MED15: variants seen among roughly 807,000 people sequenced by gnomAD.
The protein encoded by MED15 is mediator of RNA polymerase II transcription subunit 15.
MED15 carries 41 observed loss-of-function variants against 118.7 expected under a neutral mutation model. That is an observed-to-expected ratio of 0.35 (90% CI 0.27 to 0.45). MED15 has a LOEUF of 0.45. MED15 is among the 20% of genes least tolerant of loss of function. The pLI is 1.00. For synonymous variants in MED15, 436 were observed against 413.9 expected, an observed-to-expected ratio of 1.05 and a Z score of -0.65; for missense variants, 740 against 1,025.5, an observed-to-expected ratio of 0.72 and a Z score of 3.80.
At chr22:20,534,882 C>T (rs760994088) in intron 1 of MED15, among the ~76,000 whole-genome samples, 4 of 152,220 alleles carry the variant, frequency 2.6e-5, no homozygotes, top group Non-Finnish European at 5.9e-5. Flanking sequence ...CTTGTCTGTT[C>T]CACACCTGGA....
chr22:20,557,142 G>GCAT (rs1047164474), intron 5 of MED15, among the ~76,000 whole-genome samples: 2 of 152,170 alleles, frequency 1.3e-5, no homozygotes, highest in African/African-American at 4.8e-5. Context: ...GAAGAGGGCA[G>GCAT]CATCGCCCCC....
intron 8 of MED15, among the ~76,000 whole-genome samples, chr22:20,568,997 A>C (rs2056545470): frequency 6.6e-6 from 1 of 152,024 alleles, no homozygotes. Flanking sequence ...TACAGAGCTG[A>C]CCAGGGTGGA....
At chr22:20,537,311 G>C in intron 2 of MED15, 107 bp downstream of exon 2, 1 of 939,718 alleles carries the variant, frequency 1.1e-6, no homozygotes, top group Non-Finnish European at 1.6e-6. Context: ...GGGGTGGGGT[G>C]GTTGCTCATC....
At position 20,516,244 on chromosome 22, in the gene MED15, C is replaced by T. The variant is rs552447296; in HGVS notation, c.68+8498C>T. Among the ~76,000 whole-genome samples, 82 of 151,638 alleles carry T rather than the reference C, an allele frequency of 5.4e-4. 3 individuals carry two copies. Among genetic ancestry groups the T allele is most frequent in the African/African-American group, 2.0e-3 (81 of 41,312 alleles). On this transcript the variant is annotated intron_variant, in intron 1 of 17. Coordinates refer to ENST00000263205, the MANE Select transcript of MED15 (RefSeq NM_001003891.3). ...AGGAGAATTGCTTGAACCTGGGAGG[C>T]GGAGGTTGCAGTGAGCCGAGATCAC...
At chr22:20,544,948 G>A (rs371061908) in intron 2 of MED15, among the ~76,000 whole-genome samples, 50 of 152,268 alleles carry the variant, frequency 3.3e-4, no homozygotes, top group South Asian at 3.1e-3. Flanking sequence ...CTCTTAGGAG[G>A]ATACATGCAA....
At position 20,584,875 on chromosome 22, in the gene MED15, G is replaced by T; in HGVS notation, c.1824G>T (p.Pro608=). 1 of 1,598,376 alleles carries T rather than the reference G, an allele frequency of 6.3e-7. No individual in the cohort carries two copies. Residue 608 remains proline (P), a synonymous_variant, in exon 15 of 18, where the codon CCG becomes CCT. Transcript: ENST00000263205. ...TCCAGCCCACTCCCCCACCGCCCCC[G>T]GTGCCACCGACCAAACAGCAGTACC... The part of the protein sequence containing the change: ...DMAVPTPPPP[P]VPPTKQQYLC...
At chr22:20,586,421 C>G (rs909933872) in intron 17 of MED15, 147 bp from the exon 18 acceptor site, 2 of 1,201,016 alleles carry the variant, frequency 1.7e-6, no homozygotes, top group African/African-American at 1.5e-5. Flanking sequence ...GGGAGGAGAG[C>G]CCAAAGGCCG....
intron 1 of MED15, among the ~76,000 whole-genome samples, chr22:20,509,793 AG>A (rs1864480468): frequency 6.6e-6 from 1 of 152,138 alleles, no homozygotes; most frequent in African/African-American, 2.4e-5. Flanking sequence ...AAAACTTGAG[AG>A]ATATCCCACT....
At chr22:20,567,188 C>A (rs1364041218) in intron 7 of MED15, among the ~76,000 whole-genome samples, 1 of 152,204 alleles carries the variant, frequency 6.6e-6, no homozygotes, top group African/African-American at 2.4e-5. Context: ...GGTGGTTTGC[C>A]AACTACTCAG....
At chr22:20,584,765 T>A in intron 14 of MED15, 90 bp from the exon 15 acceptor site, 1 of 1,497,726 alleles carries the variant, frequency 6.7e-7, no homozygotes, top group East Asian at 2.3e-5. Context: ...GGAATCTGAC[T>A]GTGAGTGACC....
chr22:20,540,738 G>A (rs959672089), intron 2 of MED15, among the ~76,000 whole-genome samples: 2 of 152,084 alleles, frequency 1.3e-5, no homozygotes, highest in Admixed American at 6.6e-5. Context: ...TACAAAAAAC[G>A]TAGATAAATT....
intron 9 of MED15, chr22:20,581,936 G>A (rs1469682923): frequency 6.6e-6 from 1 of 152,612 alleles, no homozygotes; most frequent in East Asian, 1.9e-4. Context: ...GGCAGAACCA[G>A]GCTCTGGGCC....
At chr22:20,529,921 A>G (rs1401835798) in intron 1 of MED15, among the ~76,000 whole-genome samples, 1 of 152,056 alleles carries the variant, frequency 6.6e-6, no homozygotes, top group Non-Finnish European at 1.5e-5. Flanking sequence ...GAGACGTTTC[A>G]CCATGTTGGC....
Position 20,586,796 on chromosome 22 carries a change from C to G in MED15, c.*92C>G. 6.5e-7 allele frequency: 1 copy of G among 1,536,130 alleles called. No individual in the cohort carries two copies. The highest frequency in any genetic ancestry group is 8.8e-7 in the Non-Finnish European group (1 of 1,138,684). On this transcript the variant is annotated 3_prime_UTR_variant, in exon 18 of 18. Transcript: ENST00000263205. ...CTAGGTGTTGGCTTCCTTAGAGAGC[C>G]TGGGGTTAGGTTAGCTTTCCTGCTT...
rs760907487 is a variant in MED15 at position 20,583,101 on chromosome 22, T to C, written c.1538-12T>C. The C allele has an allele frequency of 1.9e-6, 3 of 1,578,842 alleles. No individual in the cohort carries two copies. Among genetic ancestry groups the C allele is most frequent in the South Asian group, 1.1e-5 (1 of 88,100 alleles). On this transcript the variant is annotated splice_polypyrimidine_tract_variant and intron_variant, in intron 11 of 17. Transcript: ENST00000263205. ...GTCGAGGGCTGTGGCCTCACCCGCC[T>C]GTGTCCTGCAGTGAACCCCAGCTCT...
chr22:20,518,567 A>C (rs1179586267), intron 1 of MED15, among the ~76,000 whole-genome samples: 1 of 152,202 alleles, frequency 6.6e-6, no homozygotes, highest in African/African-American at 2.4e-5. Flanking sequence ...GCATCCTGAC[A>C]CGAACTGAAC....
intron 1 of MED15, among the ~76,000 whole-genome samples, chr22:20,510,203 C>A (rs145115769): frequency 6.6e-6 from 1 of 152,030 alleles, no homozygotes; most frequent in Non-Finnish European, 1.5e-5. Context: ...CTGGCCAACA[C>A]GGTGAAACCC....
intron 9 of MED15, 117 bp downstream of exon 9, chr22:20,575,349 A>G: frequency 7.7e-7 from 1 of 1,306,218 alleles, no homozygotes; most frequent in Non-Finnish European, 1.0e-6. Context: ...TGGCTTTCAG[A>G]GTGCCAAACC....
chr22:20,547,366 G>A (rs2055585096), intron 2 of MED15, among the ~76,000 whole-genome samples: 1 of 152,058 alleles, frequency 6.6e-6, no homozygotes, highest in South Asian at 2.1e-4. Context: ...GAATGTTTAG[G>A]AATTGGACCT....
Sources: allele counts gnomAD v4.1 joint callset (sites outside exome capture counted in the v4.1 genomes callset), GRCh38; gene constraint gnomAD v4.1.1; transcripts MANE v1.5; gene names NCBI Gene and HGNC (gene_info 2026-07-23, HGNC 2026-07-21).